The following MACC1 variants were observed in gnomAD, a reference collection of about 807,000 sequenced individuals.
The protein encoded by MACC1 is metastasis-associated in colon cancer protein 1.
Under a neutral mutation model 70.7 loss-of-function variants are expected in MACC1, and 79 were observed. The ratio of observed to expected loss-of-function variants is 1.12; its 90% CI spans 0.93 to 1.35. The LOEUF is 1.35. Ranked by LOEUF, MACC1 falls within the 40% of genes most tolerant of loss-of-function variation. MACC1 has a pLI of 0.00. For synonymous variants in MACC1, 361 were observed against 347.2 expected, an observed-to-expected ratio of 1.04 and a Z score of -0.44; for missense variants, 1,106 against 978.1, an observed-to-expected ratio of 1.13 and a Z score of -1.74.
In MACC1 at chr7:20,174,649, T is replaced by C. The variant is rs373930811; in HGVS notation, c.-217-3871A>G. ...TTGATGTTTTGTTTTGTGTGTATTA[T>C]TTCAAATGGCATTTCCCTATTCACA... is the stretch of plus-strand genomic sequence containing the variant. On this transcript the variant is annotated intron_variant, in intron 1 of 6. Transcript: ENST00000400331. Among the ~76,000 whole-genome samples, 11 of 152,116 alleles carry C rather than the reference T, an allele frequency of 7.2e-5. No individual in the cohort carries two copies. The East Asian group carries it at 1.9e-3, about 27-fold the overall frequency.
At chr7:20,214,165 C>T (rs936356163) in intron 1 of MACC1, among the ~76,000 whole-genome samples, 16 of 152,142 alleles carry the variant, frequency 1.1e-4, no homozygotes, top group Non-Finnish European at 1.9e-4. Context: ...TGGATTTCCA[C>T]AGTTGGCTCC....
chr7:20,213,048 C>T (rs555905208), intron 1 of MACC1, among the ~76,000 whole-genome samples: 1 of 152,326 alleles, frequency 6.6e-6, no homozygotes, highest in South Asian at 2.1e-4. Context: ...GTCGACTTGA[C>T]ATTTCCAAAG....
chr7:20,172,243 G>A (rs924023688), intron 1 of MACC1, among the ~76,000 whole-genome samples: 1 of 152,216 alleles, frequency 6.6e-6, no homozygotes, highest in African/African-American at 2.4e-5. Context: ...TACAAGCAGG[G>A]TGAGCTGCCA....
intron 1 of MACC1, among the ~76,000 whole-genome samples, chr7:20,213,296 G>C (rs2128109754): frequency 6.6e-6 from 1 of 152,330 alleles, no homozygotes; most frequent in East Asian, 1.9e-4. Flanking sequence ...TGAGGTCGTA[G>C]AGAAAAAGGA....
chr7:20,168,571 G>C (rs776598398), intron 2 of MACC1, among the ~76,000 whole-genome samples: 35 of 152,238 alleles, frequency 2.3e-4, no homozygotes, highest in Middle Eastern at 3.4e-3. Context: ...CAGTATCCTC[G>C]GTCCCACCTT....
chr7:20,188,976 C>T (rs907887049), intron 1 of MACC1, among the ~76,000 whole-genome samples: 1 of 152,196 alleles, frequency 6.6e-6, no homozygotes, highest in African/African-American at 2.4e-5. Flanking sequence ...CATCTGAGAT[C>T]ATCTCACGTA....
At chr7:20,180,077 A>G (rs1383416876) in intron 1 of MACC1, among the ~76,000 whole-genome samples, 1 of 152,224 alleles carries the variant, frequency 6.6e-6, no homozygotes, top group Non-Finnish European at 1.5e-5. Context: ...TTAATTAAAA[A>G]GTAAAATTCT....
chr7:20,189,622 C>G (rs1554290987), intron 1 of MACC1, among the ~76,000 whole-genome samples: 1 of 152,198 alleles, frequency 6.6e-6, no homozygotes, highest in Non-Finnish European at 1.5e-5. Context: ...TGTGAAAGCT[C>G]TGGAAAGCAT....
intron 1 of MACC1, chr7:20,198,770 C>CA (rs1385302546): frequency 6.6e-6 from 1 of 152,196 alleles, no homozygotes; most frequent in African/African-American, 2.4e-5. Context: ...CCATGCACCA[C>CA]AAGGAGACTT....
At chr7:20,143,363 G>A (rs1041240990) in intron 6 of MACC1, among the ~76,000 whole-genome samples, 7 of 152,116 alleles carry the variant, frequency 4.6e-5, no homozygotes, top group Non-Finnish European at 7.4e-5. Flanking sequence ...CCTCACATTT[G>A]GCAATTTGTT....
chr7:20,206,019 G>A (rs1054168389), intron 1 of MACC1, among the ~76,000 whole-genome samples: 4 of 151,760 alleles, frequency 2.6e-5, no homozygotes, highest in South Asian at 2.1e-4. Flanking sequence ...AATCTTCTCT[G>A]TTGTTTCAGA....
chr7:20,160,355 T>C, intron 4 of MACC1, 110 bp from the exon 5 acceptor site: 1 of 1,314,522 alleles, frequency 7.6e-7, no homozygotes, highest in Non-Finnish European at 1.0e-6. Flanking sequence ...CTTTTCATTT[T>C]TCTTTCTGAT....
chr7:20,188,290 T>C (rs567366952), intron 1 of MACC1, among the ~76,000 whole-genome samples: 159 of 152,232 alleles, frequency 1.0e-3, no homozygotes, highest in African/African-American at 3.7e-3. Flanking sequence ...TCTTTTGACT[T>C]CCTGTATTTG....
intron 6 of MACC1, among the ~76,000 whole-genome samples, chr7:20,150,180 A>C (rs1320742540): frequency 6.6e-6 from 1 of 152,224 alleles, no homozygotes; most frequent in Non-Finnish European, 1.5e-5. Flanking sequence ...GTTTATCCCA[A>C]TTCCCAGGCC....
At chr7:20,188,328 T>C (rs2128106746) in intron 1 of MACC1, among the ~76,000 whole-genome samples, 1 of 152,280 alleles carries the variant, frequency 6.6e-6, no homozygotes, top group Admixed American at 6.5e-5. Flanking sequence ...TTCTTTCTCA[T>C]TACTGTGGGT....
chr7:20,154,097 C>T (rs986515192), intron 6 of MACC1, 96 bp downstream of exon 6: 7 of 1,259,994 alleles, frequency 5.6e-6, no homozygotes, highest in East Asian at 4.7e-5. Flanking sequence ...TTGGACATTC[C>T]CCCAGTGAAT....
rs1294365080 is a variant in MACC1 at position 20,140,832 on chromosome 7, C to T, written c.*114G>A. ...ACACACACACACACACACAGACACACACACACAGACACACACACACAGACA... is the reference window on the plus strand; with the variant it reads ...ACACACACACACACACACAGACACATACACACAGACACACACACACAGACA... On this transcript the variant is annotated 3_prime_UTR_variant, in exon 7 of 7. Coordinates refer to ENST00000400331, the MANE Select transcript of MACC1 (RefSeq NM_182762.4). The T allele has an allele frequency of 2.9e-6, 2 of 699,370 alleles. No individual in the cohort carries two copies. The highest frequency in any genetic ancestry group is 5.0e-5 in the Admixed American group (2 of 40,278). 43.3% of individuals were successfully genotyped at this position (699,370 alleles called of 1,614,324 possible).
At chr7:20,184,241 A>T (rs890910103) in intron 1 of MACC1, among the ~76,000 whole-genome samples, 1 of 152,178 alleles carries the variant, frequency 6.6e-6, no homozygotes, top group Non-Finnish European at 1.5e-5. Flanking sequence ...GTGTCCCGAG[A>T]CCACTTTTAT....
chr7:20,197,389 C>T (rs1258232896), intron 1 of MACC1, among the ~76,000 whole-genome samples: 1 of 152,154 alleles, frequency 6.6e-6, no homozygotes, highest in Admixed American at 6.5e-5. Context: ...CTTGACCCCT[C>T]CTGGGTAAAG....
Sources: allele counts gnomAD v4.1 joint callset (sites outside exome capture counted in the v4.1 genomes callset), GRCh38; gene constraint gnomAD v4.1.1; transcripts MANE v1.5; gene names NCBI Gene and HGNC (gene_info 2026-07-23, HGNC 2026-07-21).